The following CLASP1 variants were observed in gnomAD, a reference collection of about 807,000 sequenced individuals.
The protein encoded by CLASP1 is cytoplasmic linker associated protein 1, also known as CLIP-associating protein 1.
CLASP1 carries 38 observed loss-of-function variants against 192.3 expected under a neutral mutation model. The observed-to-expected ratio is 0.20, with a 90% CI of 0.15 to 0.26. The LOEUF is 0.26. Ranked by LOEUF, CLASP1 falls within the 10% of genes least tolerant of loss-of-function variation. The probability of loss-of-function intolerance (pLI) is 1.00; values close to 1 mark genes in which losing one functional copy is unlikely to be tolerated. For missense variants in CLASP1, 1,433 were observed against 1,932.5 expected (o/e 0.74, Z 4.85); for synonymous variants, 691 against 712.8 (o/e 0.97, Z 0.49).
At chr2:121,591,193 C>A (rs1202431950) in intron 2 of CLASP1, among the ~76,000 whole-genome samples, 2 of 152,014 alleles carry the variant, frequency 1.3e-5, no homozygotes, top group African/African-American at 4.8e-5. Flanking sequence ...AAAATTACTT[C>A]TCTAAATCAA....
chr2:121,540,646 G>T (rs1054191683), intron 2 of CLASP1, among the ~76,000 whole-genome samples: 2 of 151,950 alleles, frequency 1.3e-5, no homozygotes, highest in African/African-American at 4.8e-5. Context: ...AAATTAGCTC[G>T]GCGTAGTGGC....
At chr2:121,627,719 A>G (rs2106184072) in intron 1 of CLASP1, among the ~76,000 whole-genome samples, 1 of 152,350 alleles carries the variant, frequency 6.6e-6, no homozygotes, top group Admixed American at 6.5e-5. Context: ...AGTCATGGAC[A>G]GCCTTCAAAG....
At chr2:121,498,399 G>A (rs892634025) in intron 8 of CLASP1, among the ~76,000 whole-genome samples, 2 of 151,800 alleles carry the variant, frequency 1.3e-5, no homozygotes, top group African/African-American at 4.8e-5. Flanking sequence ...TAGAGATGGA[G>A]TTTCACCATA....
At chr2:121,425,573 ATTC>A (rs1483839952) in intron 21 of CLASP1, among the ~76,000 whole-genome samples, 1 of 152,186 alleles carries the variant, frequency 6.6e-6, no homozygotes, top group African/African-American at 2.4e-5. Context: ...AAAGGTGTTT[ATTC>A]TTATTTTGTT....
intron 8 of CLASP1, among the ~76,000 whole-genome samples, chr2:121,500,526 A>AG (rs1404027619): frequency 2.0e-5 from 3 of 152,078 alleles, no homozygotes; most frequent in Non-Finnish European, 4.4e-5. Flanking sequence ...AGAAAAGAAA[A>AG]GAAAGAGAAA....
intron 8 of CLASP1, among the ~76,000 whole-genome samples, chr2:121,484,045 G>C (rs894021553): frequency 9.2e-5 from 14 of 152,308 alleles, no homozygotes; most frequent in African/African-American, 3.1e-4. Flanking sequence ...AGAAAGCAAA[G>C]CTTAGGAGGA....
exon 30 of CLASP1, chr2:121,397,247 C>T: frequency 6.2e-7 from 1 of 1,613,774 alleles, no homozygotes; most frequent in Non-Finnish European, 8.5e-7. Flanking sequence ...ATCTGTCTGG[C>T]CAGAGACTCA....
At chr2:121,469,515 T>G (rs1161368290) in intron 9 of CLASP1, among the ~76,000 whole-genome samples, 1 of 152,142 alleles carries the variant, frequency 6.6e-6, no homozygotes, top group Non-Finnish European at 1.5e-5. Context: ...GTGATGAGGG[T>G]GCGCTCTTGC....
chr2:121,352,543 A>G lies in CLASP1; in HGVS notation c.4207-3825T>C, dbSNP rs150799049. Among the ~76,000 whole-genome samples the G allele has an allele frequency of 8.0e-4, 122 of 152,366 alleles. 1 individual carries two copies. The highest frequency in any genetic ancestry group is 2.8e-3 in the African/African-American group (116 of 41,586). ...AGGCAGCCTCCAGAGTTAGATGAGCATATTCTCAGCCTCTGAGAGAAGCAC... is the reference window on the plus strand; with the variant it reads ...AGGCAGCCTCCAGAGTTAGATGAGCGTATTCTCAGCCTCTGAGAGAAGCAC... On this transcript the variant is annotated intron_variant, in intron 37 of 39. Transcript: ENST00000263710.
At chr2:121,568,249 T>C (rs1431068053) in intron 2 of CLASP1, among the ~76,000 whole-genome samples, 1 of 151,980 alleles carries the variant, frequency 6.6e-6, no homozygotes, top group Non-Finnish European at 1.5e-5. Flanking sequence ...AGACAGCACA[T>C]TACTGCTAAG....
At chr2:121,434,807 T>C (rs932363282) in intron 19 of CLASP1, among the ~76,000 whole-genome samples, 8 of 151,948 alleles carry the variant, frequency 5.3e-5, no homozygotes, top group African/African-American at 1.7e-4. Flanking sequence ...CTGGGCAACA[T>C]GGAGAGACTG....
intron 2 of CLASP1, among the ~76,000 whole-genome samples, chr2:121,540,546 T>A (rs1325115376): frequency 6.6e-6 from 1 of 152,068 alleles, no homozygotes; most frequent in Non-Finnish European, 1.5e-5. Context: ...CTCAGCACTT[T>A]GGGAGGCTGA....
chr2:121,440,472 C>T lies in CLASP1; in HGVS notation c.1912+6865G>A, dbSNP rs1052411955. On this transcript the variant is annotated intron_variant, in intron 19 of 39. Transcript: ENST00000263710. The stretch of plus-strand genomic sequence containing the variant: ...CCCAGCACTTTGGGAGGCCAAGGCA[C>T]GAGGGTCACTTGAGTCCAGGAGTTC... Among the ~76,000 whole-genome samples the T allele has an allele frequency of 3.9e-5, 6 of 152,054 alleles. No homozygotes were observed. The East Asian group carries it at 5.8e-4, about 15-fold the overall frequency.
At chr2:121,646,543 C>G (rs1192080130) in intron 1 of CLASP1, among the ~76,000 whole-genome samples, 1 of 152,164 alleles carries the variant, frequency 6.6e-6, no homozygotes, top group Admixed American at 6.5e-5. Flanking sequence ...TCAGTTGAAT[C>G]TAACATTTGT....
chr2:121,535,763 C>G (rs1244172429), intron 2 of CLASP1, among the ~76,000 whole-genome samples: 1 of 151,866 alleles, frequency 6.6e-6, no homozygotes, highest in Non-Finnish European at 1.5e-5. Flanking sequence ...ATCCTCCCGC[C>G]TCAGCAACCT....
intron 34 of CLASP1, among the ~76,000 whole-genome samples, chr2:121,370,956 C>A (rs1186751223): frequency 6.6e-6 from 1 of 152,210 alleles, no homozygotes; most frequent in Non-Finnish European, 1.5e-5. Context: ...CAGGAGGAAT[C>A]ATTGAGAAGC....
intron 22 of CLASP1, among the ~76,000 whole-genome samples, chr2:121,423,549 T>C (rs1231271168): frequency 1.3e-5 from 2 of 152,184 alleles, no homozygotes; most frequent in Admixed American, 6.5e-5. Context: ...CTAACATGGA[T>C]TGCAAACAGA....
chr2:121,599,200 C>T (rs1483116434), intron 2 of CLASP1, among the ~76,000 whole-genome samples: 4 of 151,632 alleles, frequency 2.6e-5, no homozygotes, highest in African/African-American at 9.7e-5. Context: ...TGACATTCAT[C>T]TACCTTCCCT....
intron 8 of CLASP1, among the ~76,000 whole-genome samples, chr2:121,498,860 A>T (rs142654338): frequency 2.0e-4 from 30 of 152,374 alleles, no homozygotes; most frequent in Admixed American, 9.1e-4. Context: ...AATCAATACC[A>T]CAATGAGATA....
Sources: allele counts gnomAD v4.1 joint callset (sites outside exome capture counted in the v4.1 genomes callset), GRCh38; gene constraint gnomAD v4.1.1; transcripts MANE v1.5; gene names NCBI Gene and HGNC (gene_info 2026-07-23, HGNC 2026-07-21).